TRAPPC12: variants seen among roughly 807,000 people sequenced by gnomAD.
TRAPPC12 encodes the protein TPR repeat protein 15.
A neutral mutation model predicts 69.2 loss-of-function variants in TRAPPC12; 61 were observed. The ratio of observed to expected loss-of-function variants is 0.88; its 90% CI spans 0.72 to 1.09. The LOEUF (loss-of-function observed/expected upper bound fraction) is 1.09. Ranked by LOEUF, TRAPPC12 falls within the 50% of genes least tolerant of loss-of-function variation. TRAPPC12 has a pLI of 0.00. For missense variants in TRAPPC12, 1,101 were observed against 1,016.4 expected, an observed-to-expected ratio of 1.08 and a Z score of -1.13; for synonymous variants, 469 against 438.9, an observed-to-expected ratio of 1.07 and a Z score of -0.86.
chr2:3,415,330 G>A (rs1272642896), intron 3 of TRAPPC12, among the ~76,000 whole-genome samples: 2 of 152,212 alleles, frequency 1.3e-5, no homozygotes, highest in Non-Finnish European at 2.9e-5. Flanking sequence ...TAATGTAAGT[G>A]TTGTGAGCAT....
intron 1 of TRAPPC12, among the ~76,000 whole-genome samples, chr2:3,383,862 T>C (rs887996842): frequency 2.0e-5 from 3 of 147,808 alleles, no homozygotes; most frequent in Non-Finnish European, 4.5e-5. Flanking sequence ...CTTGTGATAG[T>C]TCAGTCTTGT....
chr2:3,410,488 TTAC>T (rs1409390036), intron 3 of TRAPPC12, among the ~76,000 whole-genome samples: 2 of 152,214 alleles, frequency 1.3e-5, no homozygotes, highest in Non-Finnish European at 2.9e-5. Context: ...ATGATATGTT[TTAC>T]TATTTTTAAT....
intron 3 of TRAPPC12, among the ~76,000 whole-genome samples, chr2:3,409,780 G>GAAAA (rs1661950935): frequency 1.4e-4 from 18 of 130,864 alleles, no homozygotes; most frequent in South Asian, 7.3e-4. Flanking sequence ...AAAAAAAAAG[G>GAAAA]GGAAGAAATG....
rs1160200470 is a variant in TRAPPC12, at chr2:3,424,784, A to G, written c.1417+121A>G. On this transcript the variant is annotated intron_variant, in intron 5 of 11. Coordinates refer to ENST00000324266, the MANE Select transcript of TRAPPC12 (RefSeq NM_016030.6). ...TTATCCAGTCTTGAAAAATCAGATAAGTACCCAGCAACAAGCCTTGACTTA... is the reference window on the plus strand; with the variant it reads ...TTATCCAGTCTTGAAAAATCAGATAGGTACCCAGCAACAAGCCTTGACTTA... 9.0e-6 allele frequency: 10 copies of G among 1,113,014 alleles called. No homozygotes were observed. The East Asian group carries it at 2.3e-4, about 26-fold the overall frequency. 68.9% of individuals were successfully genotyped at this position (1,113,014 alleles called of 1,614,324 possible).
At position 3,465,558 on chromosome 2, in the gene TRAPPC12, T is replaced by C. The variant is rs764655296; in HGVS notation, c.1678-39T>C. On this transcript the variant is annotated intron_variant, in intron 8 of 11. Coordinates refer to ENST00000324266, the MANE Select transcript of TRAPPC12 (RefSeq NM_016030.6). ...TACACGTGTGAAACCCACAGTGCTG[T>C]TCTCAGCTCTAAAGTACGTTGGGTT... 6 of 1,411,622 alleles carry C rather than the reference T, an allele frequency of 4.3e-6. No homozygotes were observed. The East Asian group carries it at 1.4e-4, about 32-fold the overall frequency. The allele number at this position is 1,411,622 out of a possible 1,614,324, so 87.4% of individuals were successfully genotyped here.
intron 3 of TRAPPC12, among the ~76,000 whole-genome samples, chr2:3,409,353 A>G (rs535977015): frequency 2.0e-5 from 3 of 152,356 alleles, no homozygotes; most frequent in Admixed American, 6.5e-5. Context: ...ATATTCTCTT[A>G]TCAGAAAAAA....
At chr2:3,455,462 A>G (rs2103128429) in intron 6 of TRAPPC12, 1 of 150,626 alleles carries the variant, frequency 6.6e-6, no homozygotes, top group East Asian at 1.9e-4. Flanking sequence ...TATTTGTTCT[A>G]TTTTTTTTTT....
At chr2:3,470,357 G>C (rs183463637) in intron 9 of TRAPPC12, among the ~76,000 whole-genome samples, 1 of 152,266 alleles carries the variant, frequency 6.6e-6, no homozygotes, top group Non-Finnish European at 1.5e-5. Context: ...CCAGGCCAGC[G>C]TCCCAGGGCG....
chr2:3,473,540 C>T (rs537280504), intron 9 of TRAPPC12, among the ~76,000 whole-genome samples: 2 of 152,288 alleles, frequency 1.3e-5, no homozygotes, highest in East Asian at 3.9e-4. Flanking sequence ...AGTGCAGAGG[C>T]GCAAATGCAG....
At chr2:3,382,666 T>C (rs1328308796) in intron 1 of TRAPPC12, among the ~76,000 whole-genome samples, 1 of 152,238 alleles carries the variant, frequency 6.6e-6, no homozygotes, top group African/African-American at 2.4e-5. Flanking sequence ...GGCTCACGCC[T>C]GTAATCTCAG....
rs116323950 is a variant in TRAPPC12, at chr2:3,388,752, A to G, written c.1047+82A>G. 2.3e-3 allele frequency: 2,990 copies of G among 1,299,554 alleles called. 46 individuals carry two copies. The African/African-American group carries it at 0.04, about 17-fold the overall frequency. The allele number at this position is 1,299,554 out of a possible 1,614,324, so 80.5% of individuals were successfully genotyped here. A position where few individuals can be genotyped will look rare whatever the true frequency, so the allele number is the denominator to read the frequency against. On this transcript the variant is annotated intron_variant, in intron 2 of 11. Coordinates refer to ENST00000324266, the MANE Select transcript of TRAPPC12 (RefSeq NM_016030.6). ...ACGCACAGTGCCCCTTTAGGGATGG[A>G]GAAGGAGAAGGCCTTGTTTTCAGTA...
intron 3 of TRAPPC12, among the ~76,000 whole-genome samples, chr2:3,413,147 A>G (rs1342006509): frequency 6.6e-6 from 1 of 152,252 alleles, no homozygotes; most frequent in Non-Finnish European, 1.5e-5. Flanking sequence ...ACTTTTGTTC[A>G]TAAAAACTGG....
At chr2:3,386,687 A>G (rs555674351) in intron 1 of TRAPPC12, among the ~76,000 whole-genome samples, 1 of 150,954 alleles carries the variant, frequency 6.6e-6, no homozygotes, top group African/African-American at 2.4e-5. Context: ...AGTCAGGCAG[A>G]TAATATGAGC....
intron 2 of TRAPPC12, chr2:3,388,936 G>C: frequency 2.5e-6 from 1 of 397,736 alleles, no homozygotes; most frequent in Non-Finnish European, 4.4e-6. Flanking sequence ...CTCTCAGTCA[G>C]TTCTCCATGT....
intron 9 of TRAPPC12, among the ~76,000 whole-genome samples, chr2:3,470,740 A>T (rs192617586): frequency 6.6e-6 from 1 of 152,330 alleles, no homozygotes; most frequent in African/African-American, 2.4e-5. Context: ...AAGAGCACTG[A>T]AATGCAAACA....
chr2:3,456,507 C>T (rs1415526938), intron 6 of TRAPPC12: 1 of 152,302 alleles, frequency 6.6e-6, no homozygotes, highest in East Asian at 1.9e-4. Flanking sequence ...TTAAAAAGGC[C>T]AGAAGCACGG....
chr2:3,403,322 T>A (rs1661560417), intron 3 of TRAPPC12, among the ~76,000 whole-genome samples: 1 of 143,578 alleles, frequency 7.0e-6, no homozygotes, highest in Non-Finnish European at 1.5e-5. Context: ...AACCTCCACC[T>A]CCCGGGTTCA....
At chr2:3,389,808 C>T (rs1660722636) in intron 2 of TRAPPC12, 2 of 470,754 alleles carry the variant, frequency 4.2e-6, no homozygotes, top group African/African-American at 2.0e-5. Flanking sequence ...TTTTATTGAG[C>T]ACAAAACAGC....
intron 3 of TRAPPC12, among the ~76,000 whole-genome samples, chr2:3,404,866 A>T (rs963400178): frequency 2.9e-5 from 4 of 135,734 alleles, no homozygotes; most frequent in African/African-American, 1.1e-4. Flanking sequence ...ATACAAAAGG[A>T]TAGAGTGGGG....
Sources: gnomAD v4.1 joint callset for allele counts (sites outside exome capture counted in the v4.1 genomes callset) on GRCh38, gnomAD v4.1.1 for gene constraint, MANE v1.5 for transcripts, NCBI Gene and HGNC (gene_info 2026-07-23, HGNC 2026-07-21) for gene names.